The following SLPI variants were observed in gnomAD, a reference collection of about 807,000 sequenced individuals.
The protein encoded by SLPI is antileukoproteinase.
Under a neutral mutation model 14.3 loss-of-function variants are expected in SLPI, and 20 were observed. The observed-to-expected ratio is 1.40, with a 90% confidence interval of 0.99 to 2.04. The LOEUF is 2.04. Ranked by LOEUF, SLPI falls within the 30% of genes most tolerant of loss-of-function variation. SLPI has a pLI of 0.00. For missense variants in SLPI, 169 were observed against 159.4 expected, an observed-to-expected ratio of 1.06 and a Z score of -0.32; for synonymous variants, 68 against 54.8, an observed-to-expected ratio of 1.24 and a Z score of -1.07.
chr20:45,252,948 G>T, intron 3 of SLPI, 54 bp downstream of exon 3: 1 of 1,584,438 alleles, frequency 6.3e-7, no homozygotes, highest in Non-Finnish European at 8.6e-7. Context: ...GCCTCCAGAG[G>T]GTTGAGGCTG....
chr20:45,252,945 G>A, intron 3 of SLPI, 57 bp downstream of exon 3: 1 of 1,579,348 alleles, frequency 6.3e-7, no homozygotes, highest in Non-Finnish European at 8.6e-7. Context: ...TGGGCCTCCA[G>A]AGGGTTGAGG....
intron 3 of SLPI, 36 bp downstream of exon 3, chr20:45,252,965 CT>C: frequency 6.2e-7 from 1 of 1,604,262 alleles, no homozygotes; most frequent in Non-Finnish European, 8.5e-7. Flanking sequence ...GCTGAGAGGG[CT>C]GGAGGGAGCT....
At chr20:45,252,920 C>T (rs1273532021) in intron 3 of SLPI, 82 bp downstream of exon 3, 1 of 1,462,894 alleles carries the variant, frequency 6.8e-7, no homozygotes, top group African/African-American at 1.4e-5. Context: ...TCAGGAGTCC[C>T]CCTGCCCATA....
At chr20:45,253,773 T>C (rs996028497) in intron 1 of SLPI, 40 bp from the exon 2 acceptor site, 2 of 1,593,786 alleles carry the variant, frequency 1.3e-6, no homozygotes, top group Non-Finnish European at 1.7e-6. Flanking sequence ...GGAGGCTGGG[T>C]ACTGAGGACC....
At position 45,253,662 on chromosome 20, in the gene SLPI, T is replaced by G. The variant is rs1287261546; in HGVS notation, c.157A>C (p.Ser53Arg). Reference protein sequence around the residue: ...CLRYKKPECQSDWQCPGKKRC... With the variant: ...CLRYKKPECQRDWQCPGKKRC... ...TTCTTCCCTGGACACTGCCAGTCAC[T>G]CTGGCACTCAGGTTTCTTGTATCTA... Residue 53 changes from serine to arginine, a missense_variant, in exon 2 of 4, where the codon AGT becomes CGT. Physicochemically the swap from Ser to Arg is moderately radical, Grantham distance 110. Coordinates refer to ENST00000338380, the MANE Select transcript of SLPI (RefSeq NM_003064.4). 6 of 1,612,680 alleles carry G rather than the reference T, an allele frequency of 3.7e-6. No homozygotes were observed. The highest frequency in any genetic ancestry group is 1.3e-5 in the African/African-American group (1 of 74,896).
Position 45,253,718 on chromosome 20 carries a change from A to G in SLPI, c.101T>C (p.Val34Ala), listed in dbSNP as rs572719598. Reference protein sequence around the residue: ...EGSGKSFKAGVCPPKKSAQCL... With the variant: ...EGSGKSFKAGACPPKKSAQCL... ...CTGGGCAGATTTCTTAGGAGGACAG[A>G]CTCCAGCTTTGAAGGCTTTTGAAGA... The change falls in exon 2 of 4, where the codon GTC (valine) becomes GCC (alanine). Residue 34 changes from valine (V) to alanine (A), a missense_variant. By Grantham distance (64) the Val-to-Ala change is moderately conservative. Transcript: ENST00000338380. The G allele has an allele frequency of 1.2e-6, 2 of 1,613,896 alleles. No individual in the cohort carries two copies. Among genetic ancestry groups the G allele is most frequent in the East Asian group, 2.2e-5 (1 of 44,878 alleles).
At position 45,253,116 on chromosome 20, in the gene SLPI, C is replaced by T; in HGVS notation, c.280G>A (p.Gly94Ser). ...GGGGGGTTAAGCATCAAACATTGGC[C>T]ATAAGTCACTGGGCACTTCCCAGGC... is the stretch of plus-strand genomic sequence containing the variant. ...RKPGKCPVTY[G>S]QCLMLNPPNF... The change falls in exon 3 of 4, where the codon GGC becomes AGC. Residue 94 changes from glycine to serine, a missense_variant. Physicochemically the swap from Gly to Ser is moderately conservative, Grantham distance 56. Coordinates refer to ENST00000338380, the MANE Select transcript of SLPI (RefSeq NM_003064.4). 1 of 1,614,174 alleles carries T rather than the reference C, an allele frequency of 6.2e-7. No homozygotes were observed.
rs1293598891 is a variant in SLPI, at chr20:45,253,609, G to A, written c.210C>T (p.Ile70=). The A allele has an allele frequency of 1.2e-6, 2 of 1,614,110 alleles. No homozygotes were observed. The highest frequency in any genetic ancestry group is 2.2e-5 in the East Asian group (1 of 44,876). Reference sequence around the variant, plus strand: ...GGGTGTCAACAGGATCCAGGCATTTGATGCCACAAGTGTCAGGACAACATC... The same window carrying A: ...GGGTGTCAACAGGATCCAGGCATTTAATGCCACAAGTGTCAGGACAACATC... ...KKRCCPDTCG[I]KCLDPVDTPN... The change falls in exon 2 of 4, where the codon ATC becomes ATT. Residue 70 remains isoleucine (I), a synonymous_variant. Transcript: ENST00000338380.
At chr20:45,252,838 G>C (rs1187626211) in intron 3 of SLPI, among the ~76,000 whole-genome samples, 164 bp downstream of exon 3, 1 of 152,134 alleles carries the variant, frequency 6.6e-6, no homozygotes, top group Non-Finnish European at 1.5e-5. Flanking sequence ...TGGAAATCCT[G>C]GCCCTGAGAC....
intron 1 of SLPI, among the ~76,000 whole-genome samples, chr20:45,254,111 CAA>C (rs780006018): frequency 1.7e-4 from 25 of 151,132 alleles, no homozygotes; most frequent in Non-Finnish European, 3.2e-4. Flanking sequence ...AGCACAGAGA[CAA>C]AATAGCAGAA....
intron 2 of SLPI, 101 bp from the exon 3 acceptor site, chr20:45,253,252 G>A (rs965847681): frequency 2.1e-5 from 28 of 1,362,000 alleles, no homozygotes; most frequent in African/African-American, 5.7e-5. Context: ...TCAGCAGGGG[G>A]GATCATCCCC....
chr20:45,253,598 T>A lies in SLPI; in HGVS notation c.221A>T (p.Asp74Val), dbSNP rs1383857521. ...CPDTCGIKCL[D>V]PVDTPNPTRR... ...ACTTGGGTTTGGGGTGTCAACAGGA[T>A]CCAGGCATTTGATGCCACAAGTGTC... The change falls in exon 2 of 4, where the codon GAT (aspartate) becomes GTT (valine). Residue 74 changes from aspartate (D) to valine (V), a missense_variant. Coordinates refer to ENST00000338380, the MANE Select transcript of SLPI (RefSeq NM_003064.4). 1 of 1,614,032 alleles carries A rather than the reference T, an allele frequency of 6.2e-7. No individual in the cohort carries two copies. The highest frequency in any genetic ancestry group is 1.7e-5 in the Admixed American group (1 of 60,016).
rs756637018 is a variant in SLPI, at chr20:45,253,710, G to T, written c.109C>A (p.Pro37Thr). 13 of 1,614,130 alleles carry T rather than the reference G, an allele frequency of 8.1e-6. No individual in the cohort carries two copies. Among genetic ancestry groups the T allele is most frequent in the Non-Finnish European group, 1.1e-5 (13 of 1,180,010 alleles). The change falls in exon 2 of 4, where the codon CCT becomes ACT. Residue 37 changes from proline (P) to threonine (T), a missense_variant. Transcript: ENST00000338380. Reference protein sequence around the residue: ...GKSFKAGVCPPKKSAQCLRYK... With the variant: ...GKSFKAGVCPTKKSAQCLRYK... ...CTAAGGCACTGGGCAGATTTCTTAG[G>T]AGGACAGACTCCAGCTTTGAAGGCT... is the stretch of plus-strand genomic sequence containing the variant.
At position 45,253,575 on chromosome 20, in the gene SLPI, T is replaced by C; in HGVS notation, c.244A>G (p.Thr82Ala). The change falls in exon 2 of 4, where the codon ACA (threonine) becomes GCA (alanine). Residue 82 changes from threonine to alanine, a missense_variant and splice_region_variant. Thr to Ala is a moderately conservative substitution (Grantham distance 58). Coordinates refer to ENST00000338380, the MANE Select transcript of SLPI (RefSeq NM_003064.4). ...CTACCCAGTTCCCCGACCTGCTTAC[T>C]TGGGTTTGGGGTGTCAACAGGATCC... ...CLDPVDTPNP[T>A]RRKPGKCPVT... The C allele has an allele frequency of 6.2e-7, 1 of 1,613,302 alleles. No homozygotes were observed. The highest frequency in any genetic ancestry group is 1.3e-5 in the African/African-American group (1 of 75,012).
chr20:45,252,357 TG>T lies in SLPI; in HGVS notation c.*57del. ...TCAGTGGTGGAGCCAAGTCTCAGGG[TG>T]GAAAGGACCTGGACCACACAGAGCA... On this transcript the variant is annotated 3_prime_UTR_variant, in exon 4 of 4. Coordinates refer to ENST00000338380, the MANE Select transcript of SLPI (RefSeq NM_003064.4). The T allele has an allele frequency of 6.3e-7, 1 of 1,588,162 alleles. No individual in the cohort carries two copies. Among genetic ancestry groups the T allele is most frequent in the Non-Finnish European group, 8.6e-7 (1 of 1,161,838 alleles).
chr20:45,254,103 C>T (rs1984745754), intron 1 of SLPI, among the ~76,000 whole-genome samples: 1 of 151,624 alleles, frequency 6.6e-6, no homozygotes, highest in Non-Finnish European at 1.5e-5. Context: ...AAGGCAGAAG[C>T]ACAGAGACAA....
Position 45,253,240 on chromosome 20 carries a change from C to A in SLPI, c.245-89G>T, listed in dbSNP as rs539500974. On this transcript the variant is annotated intron_variant, in intron 2 of 3. Transcript: ENST00000338380. ...TTTTTAGAGTGAGCCCCTGCTCCAG[C>A]TTCAGCAGGGGGGATCATCCCCTCC... 8.8e-6 allele frequency: 13 copies of A among 1,485,640 alleles called. 2 individuals are homozygous for A. In the African/African-American group the frequency reaches 1.8e-4, roughly 21 times the overall value. The allele number at this position is 1,485,640 out of a possible 1,614,324, so 92.0% of individuals were successfully genotyped here.
In SLPI at chr20:45,253,302, C is replaced by G. The variant is rs112145744; in HGVS notation, c.245-151G>C. 4.0e-6 allele frequency: 4 copies of G among 1,005,722 alleles called. No individual in the cohort carries two copies. In the African/African-American group the frequency reaches 6.5e-5, roughly 16 times the overall value. The allele number at this position is 1,005,722 out of a possible 1,614,324, so 62.3% of individuals were successfully genotyped here. On this transcript the variant is annotated intron_variant, in intron 2 of 3. Transcript: ENST00000338380. Reference sequence around the variant, plus strand: ...ACCACCACCTTCTCCCTAAGGCGGCCCCCAAACATAGCACCTGGCTCTCCT... The same window carrying G: ...ACCACCACCTTCTCCCTAAGGCGGCGCCCAAACATAGCACCTGGCTCTCCT...
Position 45,253,011 on chromosome 20 carries a change from G to A in SLPI, c.385C>T (p.Pro129Ser). The stretch of plus-strand genomic sequence containing the variant: ...CTCATCCCCTGCTTACCTTTCACAG[G>A]GGAAACGCAGGATTTCCCACACATG... ...MGMCGKSCVS[P>S]VKA is the part of the protein sequence containing the mutation. Residue 129 changes from proline to serine, a missense_variant, in exon 3 of 4, where the codon CCT becomes TCT. Transcript: ENST00000338380. 6.2e-7 allele frequency: 1 copy of A among 1,613,938 alleles called. No individual in the cohort carries two copies. The highest frequency in any genetic ancestry group is 8.5e-7 in the Non-Finnish European group (1 of 1,179,908).
Sources: allele counts gnomAD v4.1 joint callset (sites outside exome capture counted in the v4.1 genomes callset), GRCh38; gene constraint gnomAD v4.1.1; transcripts MANE v1.5; gene names NCBI Gene and HGNC (gene_info 2026-07-23, HGNC 2026-07-21).